Variants in CCSER1 observed in about 807,000 individuals in gnomAD.
The protein encoded by CCSER1 is coiled-coil serine rich protein 1, also known as serine-rich coiled-coil domain-containing protein 1.
A neutral mutation model predicts 82.0 loss-of-function variants in CCSER1; 41 were observed. The observed-to-expected ratio is 0.50, with a 90% confidence interval of 0.39 to 0.65. The LOEUF is 0.65. Ranked by LOEUF, CCSER1 falls within the 30% of genes least tolerant of loss-of-function variation. The probability of loss-of-function intolerance (pLI) is 0.00; values close to 1 mark genes in which losing one functional copy is unlikely to be tolerated. For missense variants in CCSER1, 1,119 were observed against 1,064.2 expected (o/e 1.05, Z -0.72); for synonymous variants, 414 against 383.9 (o/e 1.08, Z -0.92).
intron 10 of CCSER1, among the ~76,000 whole-genome samples, chr4:91,437,217 TATC>T (rs1754713766): frequency 6.6e-6 from 1 of 152,222 alleles, no homozygotes; most frequent in African/African-American, 2.4e-5. Context: ...TATCTAAAGA[TATC>T]AGAATACTAG....
intron 5 of CCSER1, 111 bp downstream of exon 5, chr4:90,468,465 A>C (rs1424510067): frequency 2.1e-6 from 2 of 943,074 alleles, no homozygotes; most frequent in African/African-American, 1.7e-5. Flanking sequence ...AGAAGAAATA[A>C]ATTTTATGGG....
intron 1 of CCSER1, among the ~76,000 whole-genome samples, chr4:90,278,681 G>T (rs1457422959): frequency 1.3e-5 from 2 of 151,910 alleles, no homozygotes; most frequent in African/African-American, 2.4e-5. Flanking sequence ...CTAGAAAAAG[G>T]GGGGATGGAA....
At chr4:90,447,073 T>C (rs752511123) in intron 4 of CCSER1, among the ~76,000 whole-genome samples, 2 of 152,216 alleles carry the variant, frequency 1.3e-5, no homozygotes. Flanking sequence ...AATTTTTGGC[T>C]GGTCAAAAGT....
At chr4:90,898,961 A>G (rs1442013273) in intron 8 of CCSER1, among the ~76,000 whole-genome samples, 1 of 151,028 alleles carries the variant, frequency 6.6e-6, no homozygotes, top group Non-Finnish European at 1.5e-5. Flanking sequence ...TTTAGCATTG[A>G]TTTTTCTAAT....
intron 10 of CCSER1, among the ~76,000 whole-genome samples, chr4:91,409,163 C>T (rs1178859847): frequency 6.6e-6 from 1 of 152,162 alleles, no homozygotes; most frequent in African/African-American, 2.4e-5. Flanking sequence ...CTCAGTAGAC[C>T]TTTTCCCCTA....
At chr4:90,841,268 G>T (rs927914284) in intron 8 of CCSER1, among the ~76,000 whole-genome samples, 3 of 152,088 alleles carry the variant, frequency 2.0e-5, no homozygotes, top group African/African-American at 7.2e-5. Context: ...AAACATAGAA[G>T]ACAATGCTTA....
At chr4:90,590,823 A>G (rs754206875) in intron 5 of CCSER1, among the ~76,000 whole-genome samples, 53 of 152,140 alleles carry the variant, frequency 3.5e-4, no homozygotes, top group Non-Finnish European at 7.3e-4. Flanking sequence ...AGTTTTTTCT[A>G]GTTCTTTGAA....
chr4:90,936,333 A>G (rs1470279616), intron 9 of CCSER1, among the ~76,000 whole-genome samples: 1 of 152,146 alleles, frequency 6.6e-6, no homozygotes. Flanking sequence ...AGAGTGGTAA[A>G]TCATAAAAAA....
chr4:91,154,452 C>G (rs568092153), intron 10 of CCSER1, among the ~76,000 whole-genome samples: 1 of 151,922 alleles, frequency 6.6e-6, no homozygotes, highest in Non-Finnish European at 1.5e-5. Flanking sequence ...TGACCACTTG[C>G]GCTTCCTGGG....
chr4:91,085,247 A>T (rs1723255221), intron 9 of CCSER1, among the ~76,000 whole-genome samples: 1 of 152,098 alleles, frequency 6.6e-6, no homozygotes, highest in Non-Finnish European at 1.5e-5. Flanking sequence ...CAAAATTCTT[A>T]ATGATAGTGT....
chr4:91,181,965 T>C (rs1734073189), intron 10 of CCSER1, among the ~76,000 whole-genome samples: 1 of 152,232 alleles, frequency 6.6e-6, no homozygotes, highest in Non-Finnish European at 1.5e-5. Context: ...TGTCAGTCCT[T>C]ATTGAAGGAA....
intron 10 of CCSER1, among the ~76,000 whole-genome samples, chr4:91,585,842 A>G (rs73836244): frequency 0.11 from 16,545 of 151,654 alleles, 931 homozygotes; most frequent in Middle Eastern, 0.18. Context: ...GATCATTCAG[A>G]GTGATGTAGG....
intron 5 of CCSER1, among the ~76,000 whole-genome samples, chr4:90,622,489 A>G (rs905982551): frequency 6.6e-6 from 1 of 152,056 alleles, no homozygotes; most frequent in African/African-American, 2.4e-5. Flanking sequence ...TCATTATTCA[A>G]TTCCCACCTA....
intron 10 of CCSER1, among the ~76,000 whole-genome samples, chr4:91,300,335 A>G (rs530406967): frequency 1.3e-5 from 2 of 152,058 alleles, no homozygotes; most frequent in African/African-American, 2.4e-5. Context: ...ATTTTAGATG[A>G]ATTACAACTC....
At chr4:90,961,292 C>T (rs959015622) in intron 9 of CCSER1, among the ~76,000 whole-genome samples, 1 of 152,136 alleles carries the variant, frequency 6.6e-6, no homozygotes, top group South Asian at 2.1e-4. Flanking sequence ...TATAGACCTT[C>T]TAGCTTGCCT....
At chr4:90,697,802 A>G (rs564421419) in intron 6 of CCSER1, among the ~76,000 whole-genome samples, 7 of 152,286 alleles carry the variant, frequency 4.6e-5, no homozygotes, top group African/African-American at 1.4e-4. Context: ...TTTTCACCCT[A>G]TACTCTCAGG....
intron 1 of CCSER1, among the ~76,000 whole-genome samples, chr4:90,203,312 A>G (rs536615806): frequency 3.3e-5 from 5 of 152,292 alleles, no homozygotes; most frequent in Middle Eastern, 3.4e-3. Context: ...CCTGTCATCT[A>G]TATTAGGTAT....
intron 3 of CCSER1, among the ~76,000 whole-genome samples, chr4:90,384,644 C>A (rs1166907602): frequency 6.6e-6 from 1 of 152,128 alleles, no homozygotes; most frequent in South Asian, 2.1e-4. Context: ...GTATTCCTCT[C>A]TAACTTCCTC....
chr4:90,374,897 A>C (rs1748048738), intron 3 of CCSER1, among the ~76,000 whole-genome samples: 1 of 152,152 alleles, frequency 6.6e-6, no homozygotes, highest in South Asian at 2.1e-4. Flanking sequence ...GCTGATAGTT[A>C]AAGTATATCC....
Sources: allele counts gnomAD v4.1 joint callset (sites outside exome capture counted in the v4.1 genomes callset), GRCh38; gene constraint gnomAD v4.1.1; transcripts MANE v1.5; gene names NCBI Gene and HGNC (gene_info 2026-07-23, HGNC 2026-07-21).